TMEM68: variants seen among roughly 807,000 people sequenced by gnomAD.
The protein encoded by TMEM68 is transmembrane protein 68.
Under a neutral mutation model 36.9 loss-of-function variants are expected in TMEM68, and 25 were observed. That is an observed-to-expected ratio of 0.68 (90% CI 0.49 to 0.95). The LOEUF (loss-of-function observed/expected upper bound fraction) is 0.95, where lower values mean the gene tolerates loss of function less well. Among genes scored for constraint, TMEM68 ranks in the 40% least tolerant of loss-of-function variants. The pLI, the probability that TMEM68 is intolerant of heterozygous loss-of-function variation, is 0.00. For synonymous variants in TMEM68, 131 were observed against 124.4 expected (o/e 1.05, Z -0.35); for missense variants, 333 against 392.0 (o/e 0.85, Z 1.27).
At chr8:55,761,876 T>C (rs879521221) in intron 3 of TMEM68, 7 of 152,176 alleles carry the variant, frequency 4.6e-5, no homozygotes, top group Admixed American at 1.3e-4. Context: ...AACAACATAA[T>C]ACAGAAAGCC....
intron 5 of TMEM68, among the ~76,000 whole-genome samples, chr8:55,748,969 A>ACTTTACAAGTAACTTTAC (rs202220099): frequency 6.6e-6 from 1 of 151,712 alleles, no homozygotes; most frequent in Admixed American, 6.6e-5. Context: ...AGACATTGTG[A>ACTTTACAAGTAACTTTAC]AAGTTACTTA....
intron 4 of TMEM68, among the ~76,000 whole-genome samples, chr8:55,752,721 CTTTT>C (rs61195952): frequency 7.8e-5 from 8 of 102,740 alleles, no homozygotes; most frequent in Non-Finnish European, 1.4e-4. Context: ...TATAGGATCC[CTTTT>C]TTTTTTTTTT....
chr8:55,748,086 T>C (rs935254236), intron 5 of TMEM68: 9 of 152,214 alleles, frequency 5.9e-5, no homozygotes, highest in Non-Finnish European at 1.2e-4. Flanking sequence ...TCTGGGAATA[T>C]GGTTTCTACA....
In TMEM68 at chr8:55,739,974, T is replaced by C; in HGVS notation, c.*158A>G. 1 of 550,108 alleles carries C rather than the reference T, an allele frequency of 1.8e-6. No homozygotes were observed. The highest frequency in any genetic ancestry group is 3.1e-6 in the Non-Finnish European group (1 of 323,416). 34.1% of individuals were successfully genotyped at this position (550,108 alleles called of 1,614,324 possible). ...TTTGACACAATTGCAAAAACAAAAT[T>C]GACTATTTTAAAGAAACGAATTCTG... On this transcript the variant is annotated 3_prime_UTR_variant, in exon 8 of 8. Transcript: ENST00000434581.
rs114224358 is a variant in TMEM68, at chr8:55,765,866, T to C, written c.-114-1886A>G. The stretch of plus-strand genomic sequence containing the variant: ...GCAAGTTACACCTCTCTGTGTCTCA[T>C]TGTTTCTCTGAAAATGAAGATGATA... On this transcript the variant is annotated intron_variant, in intron 1 of 7. Coordinates refer to ENST00000434581, the MANE Select transcript of TMEM68 (RefSeq NM_001286657.2). 3.1e-3 allele frequency among the ~76,000 whole-genome samples: 473 copies of C among 152,328 alleles called. 1 individual carries two copies. Among genetic ancestry groups the C allele is most frequent in the African/African-American group, 0.011 (451 of 41,578 alleles).
At chr8:55,743,658 G>A (rs1352218557) in intron 6 of TMEM68, 38 bp from the exon 7 acceptor site, 9 of 1,511,298 alleles carry the variant, frequency 6.0e-6, no homozygotes, top group Non-Finnish European at 8.0e-6. Flanking sequence ...AACTTGTTAA[G>A]TATTCTGACC....
At chr8:55,766,794 C>G (rs4295638) in intron 1 of TMEM68, among the ~76,000 whole-genome samples, 129,462 of 152,120 alleles carry the variant, frequency 0.85, 55,358 homozygotes, top group East Asian at 0.99. Context: ...ACTACACAGG[C>G]AGCAAATAGG....
intron 5 of TMEM68, among the ~76,000 whole-genome samples, chr8:55,748,371 C>G (rs1298263709): frequency 6.6e-6 from 1 of 152,060 alleles, no homozygotes; most frequent in African/African-American, 2.4e-5. Context: ...AGAGTTTGAC[C>G]ATGTTGGCCA....
At chr8:55,754,133 C>T (rs1292104665) in intron 4 of TMEM68, among the ~76,000 whole-genome samples, 2 of 147,446 alleles carry the variant, frequency 1.4e-5, no homozygotes, top group Non-Finnish European at 3.0e-5. Flanking sequence ...CACACATACA[C>T]ACATATGGCC....
At chr8:55,768,945 G>A (rs994731203) in intron 1 of TMEM68, among the ~76,000 whole-genome samples, 4 of 149,766 alleles carry the variant, frequency 2.7e-5, no homozygotes, top group African/African-American at 9.9e-5. Context: ...GAGCCTGGGA[G>A]GTAGAAGCTG....
At chr8:55,769,466 A>ATG (rs1811084854) in intron 1 of TMEM68, among the ~76,000 whole-genome samples, 1 of 152,150 alleles carries the variant, frequency 6.6e-6, no homozygotes, top group African/African-American at 2.4e-5. Context: ...AGGGGACAGG[A>ATG]TACAATGTAC....
At chr8:55,751,399 A>C in intron 4 of TMEM68, 1 of 443,614 alleles carries the variant, frequency 2.3e-6, no homozygotes, top group East Asian at 4.7e-5. Context: ...CCCACTTTAC[A>C]AATGAGAAAA....
At chr8:55,746,131 A>G (rs1469095720) in intron 5 of TMEM68, 8 of 27,742 alleles carry the variant, frequency 2.9e-4, no homozygotes, top group Non-Finnish European at 6.6e-4. Flanking sequence ...CCTGGGCAAC[A>G]TGGCAAAACC....
chr8:55,744,974 A>T, intron 6 of TMEM68, 87 bp downstream of exon 6: 1 of 804,788 alleles, frequency 1.2e-6, no homozygotes, highest in South Asian at 2.4e-5. Context: ...TAAAGATAAT[A>T]ATTCAAAAGG....
intron 3 of TMEM68, among the ~76,000 whole-genome samples, chr8:55,758,377 ATT>A (rs1810672543): frequency 6.6e-6 from 1 of 152,202 alleles, no homozygotes; most frequent in Admixed American, 6.5e-5. Flanking sequence ...CTCAGTTGTC[ATT>A]CTTTTACAAA....
intron 4 of TMEM68, chr8:55,751,383 C>A: frequency 2.1e-6 from 1 of 473,874 alleles, no homozygotes; most frequent in Non-Finnish European, 3.7e-6. Flanking sequence ...AACAGGTATT[C>A]TTCTCCCCAC....
Position 55,769,023 on chromosome 8 carries a change from A to T in TMEM68, c.-115+4246T>A, listed in dbSNP as rs946308311. Among the ~76,000 whole-genome samples the T allele has an allele frequency of 1.1e-3, 164 of 145,702 alleles. 5 individuals are homozygous for T. Among genetic ancestry groups the T allele is most frequent in the Middle Eastern group, 7.0e-3 (2 of 286 alleles). ...AGAGCAAGAGACTCTGTCTTTAAAA[A>T]AAAAAAAAAAAAAAAAAAGGGCCAG... On this transcript the variant is annotated intron_variant, in intron 1 of 7. Coordinates refer to ENST00000434581, the MANE Select transcript of TMEM68 (RefSeq NM_001286657.2).
intron 4 of TMEM68, chr8:55,751,548 T>C (rs1408556970): frequency 6.8e-6 from 3 of 441,704 alleles, no homozygotes; most frequent in African/African-American, 6.1e-5. Context: ...CCATTAACCC[T>C]ATAAAAAAGA....
chr8:55,748,197 G>A (rs896355159), intron 5 of TMEM68: 2 of 152,172 alleles, frequency 1.3e-5, no homozygotes, highest in Non-Finnish European at 2.9e-5. Context: ...GTGGAGTCTT[G>A]CTCTGTCGTC....
Sources: gnomAD v4.1 joint callset for allele counts (sites outside exome capture counted in the v4.1 genomes callset) on GRCh38, gnomAD v4.1.1 for gene constraint, MANE v1.5 for transcripts, NCBI Gene and HGNC (gene_info 2026-07-23, HGNC 2026-07-21) for gene names.